The following MIB1 variants were observed in gnomAD, a reference collection of about 807,000 sequenced individuals.
The protein encoded by MIB1 is E3 ubiquitin-protein ligase MIB1.
Under a neutral mutation model 124.5 loss-of-function variants are expected in MIB1, and 278 were observed. The ratio of observed to expected loss-of-function variants is 2.23; its 90% confidence interval spans 2.02 to 2.47. The LOEUF (loss-of-function observed/expected upper bound fraction) is 2.47, where lower values mean the gene tolerates loss of function less well. Ranked by LOEUF, MIB1 falls within the 30% of genes most tolerant of loss-of-function variation. The pLI is 0.00. For missense variants in MIB1, 957 were observed against 1,254.4 expected (o/e 0.76, Z 3.58); for synonymous variants, 446 against 429.4 (o/e 1.04, Z -0.48).
At chr18:21,787,490 G>C (rs2041449733) in intron 6 of MIB1, among the ~76,000 whole-genome samples, 1 of 152,108 alleles carries the variant, frequency 6.6e-6, no homozygotes, top group Non-Finnish European at 1.5e-5. Flanking sequence ...TGTGGATTGA[G>C]GCAGGAATGA....
intron 12 of MIB1, among the ~76,000 whole-genome samples, chr18:21,825,335 G>C (rs565387638): frequency 3.9e-5 from 6 of 152,208 alleles, no homozygotes; most frequent in African/African-American, 1.2e-4. Context: ...ATCCCATTAT[G>C]TGTTCAGGTG....
At chr18:21,843,918 T>C (rs1313903699) in intron 14 of MIB1, among the ~76,000 whole-genome samples, 174 bp from the exon 15 acceptor site, 1 of 152,214 alleles carries the variant, frequency 6.6e-6, no homozygotes, top group Non-Finnish European at 1.5e-5. Context: ...AACACGTGAC[T>C]CTTTGTAAGG....
intron 1 of MIB1, among the ~76,000 whole-genome samples, chr18:21,756,620 G>A (rs2041034647): frequency 2.0e-5 from 3 of 152,004 alleles, no homozygotes; most frequent in Admixed American, 1.3e-4. Context: ...GTACACCACC[G>A]TGGCCGGCAA....
chr18:21,778,503 T>C (rs566652758), intron 5 of MIB1, among the ~76,000 whole-genome samples: 3 of 152,330 alleles, frequency 2.0e-5, no homozygotes, highest in South Asian at 4.1e-4. Flanking sequence ...TTGACACTTT[T>C]GTGCTTAAAA....
At chr18:21,719,389 A>G (rs1001069411) in intron 1 of MIB1, among the ~76,000 whole-genome samples, 1 of 152,116 alleles carries the variant, frequency 6.6e-6, no homozygotes, top group South Asian at 2.1e-4. Flanking sequence ...AATTTTTATT[A>G]TATTTTAGAT....
At chr18:21,788,808 T>C (rs2041468628) in intron 6 of MIB1, among the ~76,000 whole-genome samples, 1 of 152,226 alleles carries the variant, frequency 6.6e-6, no homozygotes, top group Non-Finnish European at 1.5e-5. Context: ...CAGTTGTCTT[T>C]CTGTACACTA....
intron 1 of MIB1, among the ~76,000 whole-genome samples, chr18:21,735,141 A>G (rs2146366735): frequency 6.6e-6 from 1 of 152,298 alleles, no homozygotes; most frequent in South Asian, 2.1e-4. Flanking sequence ...TCCCAGCGAG[A>G]TGGATGCAGA....
chr18:21,861,662 A>G (rs984587770), intron 20 of MIB1, among the ~76,000 whole-genome samples: 1 of 146,690 alleles, frequency 6.8e-6, no homozygotes, highest in Non-Finnish European at 1.5e-5. Flanking sequence ...AAAAAAAAAA[A>G]CAAACAACAA....
At chr18:21,863,307 G>A (rs912153224) in intron 20 of MIB1, among the ~76,000 whole-genome samples, 3 of 152,222 alleles carry the variant, frequency 2.0e-5, no homozygotes, top group African/African-American at 7.2e-5. Context: ...CCCTCCGCCA[G>A]TGAGGGCAAA....
At chr18:21,808,399 T>C (rs2041732279) in intron 10 of MIB1, among the ~76,000 whole-genome samples, 1 of 152,186 alleles carries the variant, frequency 6.6e-6, no homozygotes, top group Non-Finnish European at 1.5e-5. Flanking sequence ...GACAGTAAAG[T>C]AGCTGTGTAG....
intron 1 of MIB1, among the ~76,000 whole-genome samples, chr18:21,718,784 G>C (rs1598579175): frequency 1.3e-5 from 2 of 152,334 alleles, no homozygotes; most frequent in African/African-American, 4.8e-5. Context: ...TGTGGGGCTG[G>C]GTGCAGTGGC....
rs549649335 is a variant in MIB1, at chr18:21,725,593, A to G, written n.167+20470A>G. Among the ~76,000 whole-genome samples the G allele has an allele frequency of 3.3e-5, 5 of 152,342 alleles. No homozygotes were observed. In the South Asian group the frequency reaches 8.3e-4, roughly 25 times the overall value. ...GAGATAAGTTACCTTCCTCTAAGGT[A>G]ACTGGAGTCATTTGAGACTATCTTC... On this transcript the variant is annotated intron_variant and non_coding_transcript_variant, in intron 1 of 20. Coordinates refer to the MIB1 transcript ENST00000578646.
At chr18:21,742,633 G>T (rs2040867649) in intron 1 of MIB1, among the ~76,000 whole-genome samples, 1 of 152,100 alleles carries the variant, frequency 6.6e-6, no homozygotes, top group African/African-American at 2.4e-5. Flanking sequence ...GTTTCTAAAT[G>T]ATTAAACCAA....
chr18:21,848,009 T>C (rs1444403618), intron 16 of MIB1, among the ~76,000 whole-genome samples: 2 of 152,220 alleles, frequency 1.3e-5, no homozygotes, highest in African/African-American at 2.4e-5. Context: ...TTCCTTAACC[T>C]TAGTGTTCCT....
At chr18:21,846,676 G>A (rs1417377250) in intron 15 of MIB1, among the ~76,000 whole-genome samples, 1 of 152,090 alleles carries the variant, frequency 6.6e-6, no homozygotes, top group African/African-American at 2.4e-5. Context: ...TGTCCATCCC[G>A]GTTCTAGCCA....
At position 21,870,844 on chromosome 18, in the gene MIB1, C is replaced by T. The variant is rs1429916795; in HGVS notation, c.*6178C>T. 1 of 152,030 alleles carries T rather than the reference C, an allele frequency of 6.6e-6. No individual in the cohort carries two copies. The highest frequency in any genetic ancestry group is 1.5e-5 in the Non-Finnish European group (1 of 68,000). 9.4% of individuals were successfully genotyped at this position (152,030 alleles called of 1,614,324 possible). On this transcript the variant is annotated 3_prime_UTR_variant, in exon 21 of 21. Coordinates refer to ENST00000261537, the MANE Select transcript of MIB1 (RefSeq NM_020774.4). ...ATTGTGAATTTATTTTGAGTAACCT[C>T]TAATTAACTGTATTTTTTTGTTTCT...
At chr18:21,813,909 G>T (rs2041801452) in intron 10 of MIB1, among the ~76,000 whole-genome samples, 1 of 152,104 alleles carries the variant, frequency 6.6e-6, no homozygotes, top group Non-Finnish European at 1.5e-5. Context: ...GTCTTGGTGG[G>T]TGTTAAAATT....
chr18:21,849,532 AT>A (rs1268311940), intron 17 of MIB1, 144 bp downstream of exon 17: 6 of 451,776 alleles, frequency 1.3e-5, no homozygotes, highest in African/African-American at 1.2e-4. Flanking sequence ...TAATTTCTGC[AT>A]TTATCAGATC....
At chr18:21,766,301 A>C (rs1416136471) in intron 2 of MIB1, among the ~76,000 whole-genome samples, 1 of 152,184 alleles carries the variant, frequency 6.6e-6, no homozygotes, top group Non-Finnish European at 1.5e-5. Context: ...GGGCTCATTG[A>C]TTGAGTCAGT....
Sources: allele counts gnomAD v4.1 joint callset (sites outside exome capture counted in the v4.1 genomes callset), GRCh38; gene constraint gnomAD v4.1.1; transcripts MANE v1.5; gene names NCBI Gene and HGNC (gene_info 2026-07-23, HGNC 2026-07-21).